Variants in STK32C observed in about 807,000 individuals in gnomAD.
STK32C encodes serine/threonine-protein kinase 32C.
A neutral mutation model predicts 56.5 loss-of-function variants in STK32C; 31 were observed. The ratio of observed to expected loss-of-function variants is 0.55; its 90% confidence interval spans 0.41 to 0.74. The LOEUF (loss-of-function observed/expected upper bound fraction) is 0.74, where lower values mean the gene tolerates loss of function less well. STK32C is among the 30% of genes least tolerant of loss of function. The probability of loss-of-function intolerance (pLI) is 0.00; values close to 1 mark genes in which losing one functional copy is unlikely to be tolerated. For synonymous variants in STK32C, 309 were observed against 289.4 expected, an observed-to-expected ratio of 1.07 and a Z score of -0.69; for missense variants, 544 against 676.9, an observed-to-expected ratio of 0.80 and a Z score of 2.18.
At chr10:132,261,229 G>A (rs536019523) in intron 1 of STK32C, among the ~76,000 whole-genome samples, 73 of 152,300 alleles carry the variant, frequency 4.8e-4, no homozygotes, top group Admixed American at 4.2e-3. Context: ...GGTGGCTGGA[G>A]AATCTCCCCG....
At position 132,253,046 on chromosome 10, in the gene STK32C, G is replaced by A. The variant is rs551573269; in HGVS notation, c.263-7091C>T. ...CCCACAATCAGAGATAGGTTCTCTTGAGACTTGTCAGCGCTAAGCCCAGCA... is the reference window on the plus strand; with the variant it reads ...CCCACAATCAGAGATAGGTTCTCTTAAGACTTGTCAGCGCTAAGCCCAGCA... On this transcript the variant is annotated intron_variant, in intron 1 of 11. Transcript: ENST00000298630. Among the ~76,000 whole-genome samples the A allele has an allele frequency of 9.2e-5, 14 of 152,336 alleles. No individual in the cohort carries two copies. In the South Asian group the frequency reaches 2.7e-3, roughly 29 times the overall value.
chr10:132,293,658 G>T (rs2065640790), intron 1 of STK32C, among the ~76,000 whole-genome samples: 2 of 152,220 alleles, frequency 1.3e-5, no homozygotes, highest in Non-Finnish European at 2.9e-5. Context: ...ACAGCAGAGG[G>T]AACGCAGGGC....
intron 1 of STK32C, chr10:132,330,386 T>C (rs906729525): frequency 4.2e-6 from 3 of 710,030 alleles, no homozygotes; most frequent in Middle Eastern, 2.3e-4. Context: ...CCTTCGCCAC[T>C]CACGGCAACA....
At chr10:132,320,371 G>A (rs2066381838), downstream of STK32C, among the ~76,000 whole-genome samples, 2 of 152,196 alleles carry the variant, frequency 1.3e-5, no homozygotes, top group South Asian at 2.1e-4. Context: ...TCTGCACGGC[G>A]GTGACTGTGG....
At chr10:132,241,240 C>T (rs757634377) in intron 2 of STK32C, among the ~76,000 whole-genome samples, 1 of 152,222 alleles carries the variant, frequency 6.6e-6, no homozygotes, top group African/African-American at 2.4e-5. Flanking sequence ...GAAGCACAGC[C>T]GTGGCTCCAA....
At chr10:132,304,800 C>T (rs1031099257) in intron 1 of STK32C, among the ~76,000 whole-genome samples, 1 of 152,370 alleles carries the variant, frequency 6.6e-6, no homozygotes, top group East Asian at 1.9e-4. Context: ...CCCGGCCCGG[C>T]GCCCAGGGCG....
At chr10:132,251,813 C>CCG (rs2063919536) in intron 1 of STK32C, among the ~76,000 whole-genome samples, 1 of 146,148 alleles carries the variant, frequency 6.8e-6, no homozygotes, top group African/African-American at 2.5e-5. Flanking sequence ...CCTGGGGCCT[C>CCG]AGACCCTCCA....
Position 132,250,330 on chromosome 10 carries a change from G to A in STK32C, c.263-4375C>T, listed in dbSNP as rs527261970. ...CACTGCAGAGAGAGGGCAGGTGTGT[G>A]TGAGGCGCACGGGACAGGTCACTGC... On this transcript the variant is annotated intron_variant, in intron 1 of 11. Coordinates refer to ENST00000298630, the MANE Select transcript of STK32C (RefSeq NM_173575.4). Among the ~76,000 whole-genome samples the A allele has an allele frequency of 7.3e-4, 105 of 144,700 alleles. 1 individual carries two copies. Among genetic ancestry groups the A allele is most frequent in the African/African-American group, 2.6e-3 (101 of 38,464 alleles). The allele number at this position is 144,700 out of a possible 152,430, so 94.9% of individuals were successfully genotyped here.
chr10:132,329,901 T>C (rs1373954972), intron 1 of STK32C, among the ~76,000 whole-genome samples: 2 of 152,102 alleles, frequency 1.3e-5, no homozygotes, highest in Non-Finnish European at 2.9e-5. Flanking sequence ...AACAAAGACA[T>C]GAAAAGAGAA....
intron 1 of STK32C, among the ~76,000 whole-genome samples, chr10:132,325,726 T>C (rs1202390191): frequency 8.6e-4 from 60 of 69,862 alleles, no homozygotes; most frequent in African/African-American, 2.7e-3. Flanking sequence ...TGGTATGTCT[T>C]TTTTTTTTTT....
chr10:132,307,200 C>CT lies in STK32C; in HGVS notation c.262+371dup, dbSNP rs1674828734. 1 of 162,982 alleles carries CT rather than the reference C, an allele frequency of 6.1e-6. No homozygotes were observed. The highest frequency in any genetic ancestry group is 2.4e-5 in the African/African-American group (1 of 41,718). 10.1% of individuals were successfully genotyped at this position (162,982 alleles called of 1,614,324 possible). ...TCGGGCGGCACAGGTGAGCGCCTCT[C>CT]TAACTGCAAAGTACAAACGAGCCCG... On this transcript the variant is annotated intron_variant, in intron 1 of 11. Coordinates refer to ENST00000298630, the MANE Select transcript of STK32C (RefSeq NM_173575.4). The surrounding 1 kb of genome is among the most constrained non-coding windows in gnomAD (Gnocchi z 4.4).
At chr10:132,211,030 G>A (rs539123668) in intron 10 of STK32C, among the ~76,000 whole-genome samples, 2 of 152,308 alleles carry the variant, frequency 1.3e-5, no homozygotes, top group East Asian at 3.9e-4. Context: ...GCTCTCTGCG[G>A]GCAGCCCTCT....
In STK32C at chr10:132,219,682, A is replaced by T. The variant is rs551891870; in HGVS notation, c.1251+2959T>A. On this transcript the variant is annotated intron_variant, in intron 10 of 11. Coordinates refer to ENST00000298630, the MANE Select transcript of STK32C (RefSeq NM_173575.4). ...TCCACCAGCAATTCTGCCTGAGGACACCCAGGGCTGCCGGCAGCCGTCCTG... is the reference window on the plus strand; with the variant it reads ...TCCACCAGCAATTCTGCCTGAGGACTCCCAGGGCTGCCGGCAGCCGTCCTG... Among the ~76,000 whole-genome samples the T allele has an allele frequency of 1.6e-4, 24 of 151,708 alleles. 3 individuals are homozygous for T. The South Asian group carries it at 4.0e-3, about 25-fold the overall frequency.
intron 1 of STK32C, among the ~76,000 whole-genome samples, chr10:132,274,891 C>T (rs1307888175): frequency 2.6e-5 from 4 of 152,200 alleles, no homozygotes; most frequent in African/African-American, 9.6e-5. Flanking sequence ...TCAGTGAGAG[C>T]CTTAAATCCA....
chr10:132,209,121 CG>C lies in STK32C; in HGVS notation c.1252-21del. 1 of 1,611,268 alleles carries C rather than the reference CG, an allele frequency of 6.2e-7. No homozygotes were observed. The highest frequency in any genetic ancestry group is 8.5e-7 in the Non-Finnish European group (1 of 1,177,852). ...ATTCTCCTGTGGATGGAAAGGCACA[CG>C]TGAGCGTGGGGGACGCTGTCCAGGT... is the stretch of plus-strand genomic sequence containing the variant. On this transcript the variant is annotated intron_variant, in intron 10 of 11. Transcript: ENST00000298630.
chr10:132,293,627 G>C (rs1590417513), intron 1 of STK32C, among the ~76,000 whole-genome samples: 2 of 152,252 alleles, frequency 1.3e-5, no homozygotes, highest in East Asian at 3.8e-4. Context: ...GCTCTTTTAA[G>C]AAGCAGCAGT....
intron 4 of STK32C, 103 bp from the exon 5 acceptor site, chr10:132,225,887 C>T: frequency 6.8e-7 from 1 of 1,471,472 alleles, no homozygotes; most frequent in South Asian, 1.2e-5. Context: ...CCCACCAACC[C>T]ACTCGAGGCA....
At chr10:132,282,666 A>G (rs376359877) in intron 1 of STK32C, among the ~76,000 whole-genome samples, 65 of 152,270 alleles carry the variant, frequency 4.3e-4, no homozygotes, top group African/African-American at 1.3e-3. Context: ...TAATAATAAC[A>G]ACGACGACGA....
chr10:132,239,512 C>T (rs367671887), intron 2 of STK32C, among the ~76,000 whole-genome samples: 20 of 152,374 alleles, frequency 1.3e-4, no homozygotes, highest in East Asian at 5.8e-4. Flanking sequence ...AGATGGGGGT[C>T]GCTCCATGCC....
Sources: gnomAD v4.1 joint callset for allele counts (sites outside exome capture counted in the v4.1 genomes callset) on GRCh38, gnomAD v4.1.1 for gene constraint, Gnocchi (gnomAD v3.1) non-coding constraint, MANE v1.5 for transcripts, NCBI Gene and HGNC (gene_info 2026-07-23, HGNC 2026-07-21) for gene names.